Variants in NIT1 observed in about 807,000 individuals in gnomAD.
The protein encoded by NIT1 is deaminated glutathione amidase.
NIT1 carries 30 observed loss-of-function variants against 36.8 expected under a neutral mutation model. The observed-to-expected ratio is 0.82, with a 90% confidence interval of 0.61 to 1.11. NIT1 has a LOEUF of 1.11. Among genes scored for constraint, NIT1 ranks in the 50% least tolerant of loss-of-function variants. The pLI is 0.00. For missense variants in NIT1, 438 were observed against 410.6 expected (o/e 1.07, Z -0.58); for synonymous variants, 151 against 155.6 (o/e 0.97, Z 0.22).
downstream of NIT1, chr1:161,121,211 C>G: frequency 7.0e-6 from 7 of 1,001,872 alleles, no homozygotes; most frequent in Non-Finnish European, 8.3e-6. Context: ...GTCCCAGCCC[C>G]ATTCTCCCAA....
chr1:161,119,411 G>A (rs144610510), intron 3 of NIT1, 23 bp downstream of exon 3: 2 of 1,613,252 alleles, frequency 1.2e-6, no homozygotes, highest in Non-Finnish European at 1.7e-6. Flanking sequence ...TAGCGAGGGA[G>A]AGGTAGAATC....
downstream of NIT1, chr1:161,123,031 T>G: frequency 1.2e-6 from 2 of 1,614,178 alleles, no homozygotes; most frequent in Non-Finnish European, 1.7e-6. Flanking sequence ...CTTTATATTC[T>G]CCTTCAAGTC....
At chr1:161,123,655 A>G (rs1655811611), downstream of NIT1, among the ~76,000 whole-genome samples, 1 of 146,552 alleles carries the variant, frequency 6.8e-6, no homozygotes, top group Admixed American at 6.8e-5. Context: ...AAAAAAAAAG[A>G]CAAGACATGT....
downstream of NIT1, chr1:161,122,997 A>C (rs775880098): frequency 7.9e-5 from 127 of 1,613,900 alleles, no homozygotes; most frequent in Non-Finnish European, 9.4e-5. This position sits in a 1 kb window ranked among gnomAD's most constrained non-coding sequence, Gnocchi z 4.2. Flanking sequence ...TGAATAGCAT[A>C]AACTGCCCAG....
At chr1:161,122,542 A>C (rs1032636023), downstream of NIT1, 1 of 1,610,098 alleles carries the variant, frequency 6.2e-7, no homozygotes, top group Admixed American at 1.7e-5. This position sits in a 1 kb window ranked among gnomAD's most constrained non-coding sequence, Gnocchi z 4.2. Context: ...AACAGAAGAT[A>C]CAGAGCAGAA....
At position 161,120,590 on chromosome 1, in the gene NIT1, G is replaced by T. The variant is rs1411132801; in HGVS notation, c.809G>T (p.Gly270Val). Reference protein sequence around the residue: ...GRHHEKRASYGHSMVVDPWGT... With the variant: ...GRHHEKRASYVHSMVVDPWGT... ...CACCATGAGAAGAGAGCAAGTTATGGCCACAGCATGGTGGTAGACCCCTGG... is the reference window on the plus strand; with the variant it reads ...CACCATGAGAAGAGAGCAAGTTATGTCCACAGCATGGTGGTAGACCCCTGG... Residue 270 changes from glycine (G) to valine (V), a missense_variant, in exon 7 of 7, where the codon GGC becomes GTC. Transcript: ENST00000368009. 7 of 1,614,210 alleles carry T rather than the reference G, an allele frequency of 4.3e-6. No individual in the cohort carries two copies. The highest frequency in any genetic ancestry group is 5.9e-6 in the Non-Finnish European group (7 of 1,180,040).
chr1:161,125,032 G>A (rs1656014048), downstream of NIT1: 1 of 153,870 alleles, frequency 6.5e-6, no homozygotes. Flanking sequence ...GGAGTTCAAG[G>A]CTGCAGTGAG....
rs79077192 is a variant in NIT1 at position 161,119,962 on chromosome 1, G to A, written c.591+10G>A. 8.6e-3 allele frequency: 13,820 copies of A among 1,606,272 alleles called. 1,022 individuals carry two copies. In the African/African-American group the frequency reaches 0.16, roughly 18 times the overall value. Reference sequence around the variant, plus strand: ...CACACCAGCAGGCAAGGTAGGAGTTGTGAAAGGATGAGGGAGGGGAACAGG... The same window carrying A: ...CACACCAGCAGGCAAGGTAGGAGTTATGAAAGGATGAGGGAGGGGAACAGG... On this transcript the variant is annotated intron_variant, in intron 5 of 6. Transcript: ENST00000368009.
At chr1:161,122,481 G>C (rs1371971137), downstream of NIT1, 1 of 1,614,192 alleles carries the variant, frequency 6.2e-7, no homozygotes. The surrounding 1 kb of genome is among the most constrained non-coding windows in gnomAD (Gnocchi z 4.2). Context: ...CTGCAGAGCA[G>C]TCTCATGCTG....
rs1655423586 is a variant in NIT1, at chr1:161,120,918, G to A, written c.*153G>A. On this transcript the variant is annotated 3_prime_UTR_variant, in exon 7 of 7. Coordinates refer to ENST00000368009, the MANE Select transcript of NIT1 (RefSeq NM_005600.3). ...GATGGAACACAGATGGGCTGCTTGG[G>A]AAAGAAACTTTCACCTGAGCTTCAC... 7.0e-7 allele frequency: 1 copy of A among 1,429,476 alleles called. No homozygotes were observed. The highest frequency in any genetic ancestry group is 2.5e-5 in the East Asian group (1 of 39,788). 88.5% of individuals were successfully genotyped at this position (1,429,476 alleles called of 1,614,324 possible).
intron 2 of NIT1, 117 bp downstream of exon 2, chr1:161,118,998 G>A: frequency 7.4e-7 from 1 of 1,349,300 alleles, no homozygotes; most frequent in East Asian, 2.3e-5. Flanking sequence ...AGCCCTACTA[G>A]CCCTGGGTCA....
chr1:161,120,282 T>C (rs983530424), intron 6 of NIT1, 50 bp downstream of exon 6: 6 of 1,605,486 alleles, frequency 3.7e-6, no homozygotes, highest in Middle Eastern at 1.9e-4. Context: ...AACCTCATCT[T>C]CCCCCCTTGG....
At chr1:161,122,307 C>T (rs757224223), downstream of NIT1, 3 of 1,614,188 alleles carry the variant, frequency 1.9e-6, no homozygotes, top group Non-Finnish European at 2.5e-6. The surrounding 1 kb of genome is among the most constrained non-coding windows in gnomAD (Gnocchi z 4.2). Flanking sequence ...TAATAAAGAG[C>T]CATTGATGTA....
chr1:161,120,874 G>C lies in NIT1; in HGVS notation c.*109G>C. ...GATCCAGGCACAGCTCCCCTCACTT[G>C]GAGAACCTTGACTCTCTTGATGGAA... On this transcript the variant is annotated 3_prime_UTR_variant, in exon 7 of 7. Transcript: ENST00000368009. The C allele has an allele frequency of 1.4e-6, 2 of 1,478,086 alleles. No individual in the cohort carries two copies. Among genetic ancestry groups the C allele is most frequent in the Non-Finnish European group, 1.8e-6 (2 of 1,120,254 alleles). 91.6% of individuals were successfully genotyped at this position (1,478,086 alleles called of 1,614,324 possible).
At chr1:161,123,932 C>T (rs757465896), downstream of NIT1, 2 of 1,613,944 alleles carry the variant, frequency 1.2e-6, no homozygotes, top group African/African-American at 2.7e-5. Flanking sequence ...TACTTGTCTA[C>T]AAGATCAGGG....
At position 161,121,155 on chromosome 1, in the gene NIT1, T is replaced by A; in HGVS notation, c.*390T>A. 1 of 1,058,674 alleles carries A rather than the reference T, an allele frequency of 9.4e-7. No homozygotes were observed. Among genetic ancestry groups the A allele is most frequent in the Non-Finnish European group, 1.1e-6 (1 of 873,234 alleles). The allele number at this position is 1,058,674 out of a possible 1,614,324, so 65.6% of individuals were successfully genotyped here. On this transcript the variant is annotated 3_prime_UTR_variant, in exon 7 of 7. Transcript: ENST00000368009. ...CTCCAGTTCTAGACCTCCTGGCTCATTCAACATGCCTCCCTACCTAAATAA... is the reference window on the plus strand; with the variant it reads ...CTCCAGTTCTAGACCTCCTGGCTCAATCAACATGCCTCCCTACCTAAATAA...
At chr1:161,121,972 G>C (rs1460679926), downstream of NIT1, 1 of 775,962 alleles carries the variant, frequency 1.3e-6, no homozygotes, top group Non-Finnish European at 2.0e-6. Context: ...CAGGCACATG[G>C]GTGCAGGGAG....
At chr1:161,122,333 A>G (rs1557976520), downstream of NIT1, 1 of 1,614,120 alleles carries the variant, frequency 6.2e-7, no homozygotes, top group African/African-American at 1.3e-5. This position sits in a 1 kb window ranked among gnomAD's most constrained non-coding sequence, Gnocchi z 4.2. Flanking sequence ...GCCAGAATGC[A>G]TCGAGGTAGG....
chr1:161,120,781 A>C lies in NIT1; in HGVS notation c.*16A>C. 1 of 1,607,272 alleles carries C rather than the reference A, an allele frequency of 6.2e-7. No individual in the cohort carries two copies. Among genetic ancestry groups the C allele is most frequent in the Non-Finnish European group, 8.5e-7 (1 of 1,176,716 alleles). On this transcript the variant is annotated 3_prime_UTR_variant, in exon 7 of 7. Transcript: ENST00000368009. ...ACTGTCTTAAGACTTGACTTCTGTG[A>C]GTTTAGACCTGCCCCTCCCACCCCC...
Sources: allele counts gnomAD v4.1 joint callset (sites outside exome capture counted in the v4.1 genomes callset), GRCh38; gene constraint gnomAD v4.1.1; non-coding constraint Gnocchi (gnomAD v3.1); transcripts MANE v1.5; gene names NCBI Gene and HGNC (gene_info 2026-07-23, HGNC 2026-07-21).